DRC9: variants seen among roughly 807,000 people sequenced by gnomAD.
DRC9 encodes the protein dynein regulatory complex protein 9.
At chr3:197,901,731 CTTCTAAGGTT>C in the DRC9 span, among the ~76,000 whole-genome samples, 1 of 152,222 alleles carries the variant, frequency 6.6e-6, no homozygotes, top group East Asian at 1.9e-4. The surrounding 1 kb of genome is among the most constrained non-coding windows in gnomAD (Gnocchi z 4.4). Flanking sequence ...ATAAGGTAGA[CTTCTAAGGTT>C]TTTGACTCCA....
the DRC9 span, among the ~76,000 whole-genome samples, chr3:197,895,894 G>C: frequency 6.7e-6 from 1 of 149,008 alleles, no homozygotes; most frequent in Non-Finnish European, 1.5e-5. Context: ...AGGATCACTT[G>C]AGCCCAGGAT....
chr3:197,907,564 T>C, the DRC9 span, among the ~76,000 whole-genome samples: 4 of 152,380 alleles, frequency 2.6e-5, no homozygotes, highest in Non-Finnish European at 1.5e-5. Context: ...CAATATTTAT[T>C]AGCAAAATCT....
At chr3:197,954,082 G>A in the DRC9 span, 1 of 1,614,158 alleles carries the variant, frequency 6.2e-7, no homozygotes. Flanking sequence ...TGGAAACAGT[G>A]GCATGGTTCG....
At chr3:197,932,765 C>A in the DRC9 span, among the ~76,000 whole-genome samples, 1 of 146,444 alleles carries the variant, frequency 6.8e-6, no homozygotes, top group Non-Finnish European at 1.5e-5. Flanking sequence ...AGTTTGAGAT[C>A]AGCTGGGACT....
the DRC9 span, among the ~76,000 whole-genome samples, chr3:197,937,810 G>A: frequency 1.3e-5 from 2 of 151,972 alleles, no homozygotes; most frequent in African/African-American, 4.8e-5. Flanking sequence ...AACAGCCAGT[G>A]TGGCTGTAGT....
the DRC9 span, among the ~76,000 whole-genome samples, chr3:197,925,742 C>T: frequency 1.3e-5 from 2 of 151,962 alleles, no homozygotes; most frequent in Non-Finnish European, 2.9e-5. Context: ...TGCCACCATA[C>T]CCGGCTAATT....
At chr3:197,913,644 C>T in the DRC9 span, 1 of 600,244 alleles carries the variant, frequency 1.7e-6, no homozygotes. Flanking sequence ...AGAGAAAGTG[C>T]AGCCAATTTT....
At chr3:197,901,862 G>A in the DRC9 span, among the ~76,000 whole-genome samples, 3 of 152,186 alleles carry the variant, frequency 2.0e-5, no homozygotes, top group African/African-American at 7.2e-5. The surrounding 1 kb of genome is among the most constrained non-coding windows in gnomAD (Gnocchi z 4.4). Flanking sequence ...TGATTGTAGA[G>A]TCCTAGGGCC....
At chr3:197,954,022 G>T in the DRC9 span, 24 of 1,613,060 alleles carry the variant, frequency 1.5e-5, no homozygotes, top group East Asian at 5.3e-4. Flanking sequence ...CACTCCTGGC[G>T]GCAAACCAAA....
At chr3:197,914,061 G>A in the DRC9 span, 1 of 1,610,098 alleles carries the variant, frequency 6.2e-7, no homozygotes, top group Non-Finnish European at 8.5e-7. Flanking sequence ...GAAAGACCAG[G>A]TTTCTAAATT....
At chr3:197,950,416 T>G in the DRC9 span, 1 of 962,736 alleles carries the variant, frequency 1.0e-6, no homozygotes, top group Non-Finnish European at 1.3e-6. Context: ...GGAGAACGGC[T>G]GCCCGGGTTA....
the DRC9 span, chr3:197,939,026 G>C: frequency 2.2e-6 from 1 of 451,270 alleles, no homozygotes; most frequent in Admixed American, 4.0e-5. Flanking sequence ...AAAGTTCTTT[G>C]TGAAATATCT....
chr3:197,942,065 G>A, the DRC9 span, among the ~76,000 whole-genome samples: 6 of 151,976 alleles, frequency 3.9e-5, no homozygotes, highest in East Asian at 1.9e-4. Flanking sequence ...CCCAAAACTC[G>A]CAGAATGCCA....
chr3:197,953,767 TACTTG>T, the DRC9 span: 2 of 589,864 alleles, frequency 3.4e-6, no homozygotes, highest in Non-Finnish European at 6.0e-6. Flanking sequence ...TCCTTAAACT[TACTTG>T]GTTATCATGT....
chr3:197,908,714 G>A, the DRC9 span, among the ~76,000 whole-genome samples: 1 of 148,830 alleles, frequency 6.7e-6, no homozygotes, highest in African/African-American at 2.5e-5. Flanking sequence ...ACTGTACCAG[G>A]TCTGAAGAGC....
the DRC9 span, among the ~76,000 whole-genome samples, chr3:197,898,732 T>C: frequency 1.3e-5 from 2 of 152,154 alleles, no homozygotes; most frequent in African/African-American, 4.8e-5. Flanking sequence ...TCACTCACTA[T>C]CACGAGAACA....
chr3:197,930,722 G>A, the DRC9 span, among the ~76,000 whole-genome samples: 5,531 of 140,142 alleles, frequency 0.039, 138 homozygotes, highest in Middle Eastern at 0.089. Context: ...GAGGCAGAGC[G>A]AGACTCAGTC....
the DRC9 span, among the ~76,000 whole-genome samples, chr3:197,952,162 GTTTTTTTT>G: frequency 0.02 from 1,688 of 83,996 alleles, 27 homozygotes; most frequent in African/African-American, 0.083. Flanking sequence ...AAAATTATGG[GTTTTTTTT>G]TTTTTTTTTT....
chr3:197,951,519 GT>G, the DRC9 span: 612 of 557,262 alleles, frequency 1.1e-3, 4 homozygotes, highest in Admixed American at 1.2e-3. Context: ...CGCCCGGCTA[GT>G]TTTTGTATTA....
Sources: allele counts gnomAD v4.1 joint callset (sites outside exome capture counted in the v4.1 genomes callset), GRCh38; gene constraint gnomAD v4.1.1; non-coding constraint Gnocchi (gnomAD v3.1); transcripts MANE v1.5; gene names NCBI Gene and HGNC (gene_info 2026-07-23, HGNC 2026-07-21).